The following MAP3K6 variants were observed in gnomAD, a reference collection of about 807,000 sequenced individuals.
MAP3K6 encodes the protein apoptosis signal-regulating kinase 2.
Under a neutral mutation model 147.1 loss-of-function variants are expected in MAP3K6, and 105 were observed. That is an observed-to-expected ratio of 0.71 (90% CI 0.61 to 0.84). The LOEUF is 0.84. Among genes scored for constraint, MAP3K6 ranks in the 40% least tolerant of loss-of-function variants. The probability of loss-of-function intolerance (pLI) is 0.00; values close to 1 mark genes in which losing one functional copy is unlikely to be tolerated. For synonymous variants in MAP3K6, 695 were observed against 732.4 expected (o/e 0.95, Z 0.82); for missense variants, 1,569 against 1,715.0 (o/e 0.91, Z 1.50).
intron 27 of MAP3K6, 81 bp downstream of exon 27, chr1:27,355,945 A>T: frequency 7.6e-7 from 1 of 1,308,714 alleles, no homozygotes. Context: ...ATCAGAGGGC[A>T]CAGTAGAAGA....
rs748830946 is a variant in MAP3K6 at position 27,357,570 on chromosome 1, G to T, written c.3088C>A (p.Arg1030Ser). 1.9e-6 allele frequency: 3 copies of T among 1,606,908 alleles called. No individual in the cohort carries two copies. Among genetic ancestry groups the T allele is most frequent in the Non-Finnish European group, 2.6e-6 (3 of 1,175,778 alleles). Residue 1030 changes from arginine to serine, a missense_variant, in exon 23 of 29, where the codon CGT becomes AGT. Coordinates refer to ENST00000357582, the MANE Select transcript of MAP3K6 (RefSeq NM_004672.5). ...HQEQKQEQGA[R>S]LGRNHVEELL... ...TCTTCCACATGGTTTCTGCCCAGAC[G>T]GGCCCCCTGAGAAGGAAGAGAGGGG...
Position 27,358,511 on chromosome 1 carries a change from G to A in MAP3K6, c.2684C>T (p.Ala895Val), listed in dbSNP as rs772798450. ...RTFEPDPRLR[A>V]SAQTLLGDPF... ...GTCCCCCAGCAGTGTCTGGGCGCTG[G>A]CTCGGAGGCGGGGGTCTGGCTCAAA... Residue 895 changes from alanine to valine, a missense_variant, in exon 20 of 29, where the codon GCC becomes GTC. By Grantham distance (64) the Ala-to-Val change is moderately conservative. Coordinates refer to ENST00000357582, the MANE Select transcript of MAP3K6 (RefSeq NM_004672.5). The surrounding 1 kb of genome is among the most constrained non-coding windows in gnomAD (Gnocchi z 6.2). The A allele has an allele frequency of 6.2e-7, 1 of 1,605,896 alleles. No homozygotes were observed. Among genetic ancestry groups the A allele is most frequent in the South Asian group, 1.1e-5 (1 of 90,162 alleles).
chr1:27,362,735 G>C lies in MAP3K6; in HGVS notation c.1161C>G (p.Asp387Glu), dbSNP rs757438284. 2 of 1,612,346 alleles carry C rather than the reference G, an allele frequency of 1.2e-6. No individual in the cohort carries two copies. Among genetic ancestry groups the C allele is most frequent in the Non-Finnish European group, 1.7e-6 (2 of 1,179,160 alleles). The change falls in exon 8 of 29, where the codon GAC (aspartate) becomes GAG (glutamate). Residue 387 changes from aspartate (D) to glutamate (E), a missense_variant. Coordinates refer to ENST00000357582, the MANE Select transcript of MAP3K6 (RefSeq NM_004672.5). ...TGCCTGAGTGAAGGCTGGGCTCTAC[G>C]TCAAAAGCCTTGCGATACCTGGGGT... ...QAYHWYRKAFDVEPSLHSGIN... is the reference protein window; with the variant it reads ...QAYHWYRKAFEVEPSLHSGIN...
At position 27,356,709 on chromosome 1, in the gene MAP3K6, C is replaced by T; in HGVS notation, c.3405G>A (p.Leu1135=). ...TCTGCTGGGAGTCCCCTTCATTACTCAGCTCCTCTGACCTCGGTGAGACCG... is the reference window on the plus strand; with the variant it reads ...TCTGCTGGGAGTCCCCTTCATTACTTAGCTCCTCTGACCTCGGTGAGACCG... ...KEAVSPRSEE[L]SNEGDSQQSP... is the part of the protein sequence containing the mutation. Residue 1135 remains leucine, a synonymous_variant, in exon 25 of 29, where the codon CTG becomes CTA. Transcript: ENST00000357582. 6.2e-7 allele frequency: 1 copy of T among 1,600,784 alleles called. No homozygotes were observed. Among genetic ancestry groups the T allele is most frequent in the Non-Finnish European group, 8.5e-7 (1 of 1,173,074 alleles).
rs755341246 is a variant in MAP3K6, at chr1:27,362,253, G to C, written c.1256-3C>G. 5 of 1,607,546 alleles carry C rather than the reference G, an allele frequency of 3.1e-6. No homozygotes were observed. The African/African-American group carries it at 4.0e-5, about 13-fold the overall frequency. ...CAGCAGGCAGCCCAGCTTCATGCCT[G>C]GGGGAGAGAGGCATGGGCTCCAGTG... On this transcript the variant is annotated splice_region_variant and splice_polypyrimidine_tract_variant and intron_variant, in intron 8 of 28. Coordinates refer to ENST00000357582, the MANE Select transcript of MAP3K6 (RefSeq NM_004672.5).
Position 27,362,253 on chromosome 1 carries a change from G to T in MAP3K6, c.1256-3C>A, listed in dbSNP as rs755341246. 7.5e-6 allele frequency: 12 copies of T among 1,607,546 alleles called. No homozygotes were observed. In the East Asian group the frequency reaches 2.5e-4, roughly 33 times the overall value. ...CAGCAGGCAGCCCAGCTTCATGCCT[G>T]GGGGAGAGAGGCATGGGCTCCAGTG... On this transcript the variant is annotated splice_region_variant and splice_polypyrimidine_tract_variant and intron_variant, in intron 8 of 28. Transcript: ENST00000357582.
intron 27 of MAP3K6, 73 bp from the exon 28 acceptor site, chr1:27,355,818 T>C (rs2015501217): frequency 4.2e-6 from 6 of 1,436,574 alleles, no homozygotes; most frequent in Non-Finnish European, 5.9e-6. Flanking sequence ...ACCCAGGTAC[T>C]AGCTCTGCTC....
Position 27,358,824 on chromosome 1 carries a change from G to C in MAP3K6, c.2468C>G (p.Pro823Arg). 1.2e-6 allele frequency: 2 copies of C among 1,607,440 alleles called. No individual in the cohort carries two copies. Among genetic ancestry groups the C allele is most frequent in the Non-Finnish European group, 1.7e-6 (2 of 1,176,470 alleles). The change falls in exon 19 of 29, where the codon CCA becomes CGA. Residue 823 changes from proline to arginine, a missense_variant. By Grantham distance (103) the Pro-to-Arg change is moderately radical. Coordinates refer to ENST00000357582, the MANE Select transcript of MAP3K6 (RefSeq NM_004672.5). The surrounding 1 kb of genome is among the most constrained non-coding windows in gnomAD (Gnocchi z 6.2). ...YMAPEIIDQGPRGYGKAADIW... is the reference protein window; with the variant it reads ...YMAPEIIDQGRRGYGKAADIW... Reference sequence around the variant, plus strand: ...GTCAGCTGCTTTCCCATACCCGCGTGGGCCCTGGTCAATGATTTCTGGGGC... The same window carrying C: ...GTCAGCTGCTTTCCCATACCCGCGTCGGCCCTGGTCAATGATTTCTGGGGC...
At chr1:27,357,985 A>G (rs1355164299) in intron 21 of MAP3K6, 109 bp from the exon 22 acceptor site, 2 of 1,472,528 alleles carry the variant, frequency 1.4e-6, no homozygotes, top group Non-Finnish European at 1.8e-6. Flanking sequence ...CCTCACAGGC[A>G]TGAACATAGA....
chr1:27,362,529 A>G (rs1333523115), intron 8 of MAP3K6, 112 bp downstream of exon 8: 2 of 912,344 alleles, frequency 2.2e-6, no homozygotes, highest in Non-Finnish European at 3.3e-6. Context: ...AGGACAGTCC[A>G]AAATGGATGA....
rs765930975 is a variant in MAP3K6 at position 27,361,161 on chromosome 1, G to C, written c.1828C>G (p.Gln610Glu). Residue 610 changes from glutamine (Q) to glutamate (E), a missense_variant, in exon 13 of 29, where the codon CAG becomes GAG. Transcript: ENST00000357582. ...QLCFPSVGHCQWFCGLIQAWV... is the reference protein window; with the variant it reads ...QLCFPSVGHCEWFCGLIQAWV... Reference sequence around the variant, plus strand: ...CGACCATGAAAGGCTGCGCACCACTGGCAGTGCCCTACGCTGGGGAAGCAC... The same window carrying C: ...CGACCATGAAAGGCTGCGCACCACTCGCAGTGCCCTACGCTGGGGAAGCAC... 5.6e-6 allele frequency: 9 copies of C among 1,608,848 alleles called. No individual in the cohort carries two copies. Among genetic ancestry groups the C allele is most frequent in the African/African-American group, 1.3e-5 (1 of 74,890 alleles).
rs2015709138 is a variant in MAP3K6 at position 27,360,520 on chromosome 1, C to A, written c.2055-152G>T. 3 of 1,348,730 alleles carry A rather than the reference C, an allele frequency of 2.2e-6. No individual in the cohort carries two copies. The South Asian group carries it at 4.4e-5, about 20-fold the overall frequency. 83.5% of individuals were successfully genotyped at this position (1,348,730 alleles called of 1,614,324 possible). On this transcript the variant is annotated intron_variant, in intron 15 of 28. Coordinates refer to ENST00000357582, the MANE Select transcript of MAP3K6 (RefSeq NM_004672.5). The surrounding 1 kb of genome is among the most constrained non-coding windows in gnomAD (Gnocchi z 4.5). ...CTTACTACCCTGCCCACAGGACCCT[C>A]CAGACCTCAATCCCGCCCGCACGGT...
At position 27,366,660 on chromosome 1, in the gene MAP3K6, C is replaced by T; in HGVS notation, c.-63G>A. 9.6e-7 allele frequency: 1 copy of T among 1,039,084 alleles called. No homozygotes were observed. The highest frequency in any genetic ancestry group is 7.0e-5 in the East Asian group (1 of 14,388). The allele number at this position is 1,039,084 out of a possible 1,614,324, so 64.4% of individuals were successfully genotyped here. On this transcript the variant is annotated 5_prime_UTR_variant, in exon 1 of 29. Coordinates refer to ENST00000357582, the MANE Select transcript of MAP3K6 (RefSeq NM_004672.5). The surrounding 1 kb of genome is among the most constrained non-coding windows in gnomAD (Gnocchi z 5.5). ...ACCGGGGGCGGGGCAGGAGCCTGGG[C>T]CGGCAGATCAGGAATCTTGGGATCT... is the stretch of plus-strand genomic sequence containing the variant.
intron 27 of MAP3K6, 59 bp from the exon 28 acceptor site, chr1:27,355,804 C>T (rs1468472535): frequency 1.4e-5 from 21 of 1,520,686 alleles, no homozygotes; most frequent in South Asian, 3.4e-5. Flanking sequence ...AAAGATGTGT[C>T]GAGACCCAGG....
rs777181790 is a variant in MAP3K6 at position 27,357,772 on chromosome 1, A to G, written c.3020T>C (p.Val1007Ala). The part of the protein sequence containing the change: ...ESKRRAMLAA[V>A]LEQELPALAE... ...CAGCGCTGGCAGCTCCTGCTCCAAT[A>G]CTGCGGCCAGCATGGCCCGACGCTT... Residue 1007 changes from valine to alanine, a missense_variant, in exon 22 of 29, where the codon GTA becomes GCA. Val to Ala is a moderately conservative substitution (Grantham distance 64, BLOSUM62 0). Transcript: ENST00000357582. The G allele has an allele frequency of 3.1e-6, 5 of 1,611,118 alleles. No homozygotes were observed. The South Asian group carries it at 4.4e-5, about 14-fold the overall frequency.
At chr1:27,357,196 TC>T in intron 23 of MAP3K6, 82 bp from the exon 24 acceptor site, 1 of 1,380,574 alleles carries the variant, frequency 7.2e-7, no homozygotes, top group Non-Finnish European at 1.0e-6. Context: ...TAGAAAGTCT[TC>T]GGCGGGAGGC....
In MAP3K6 at chr1:27,355,766, G is replaced by A. The variant is rs758394991; in HGVS notation, c.3712-21C>T. On this transcript the variant is annotated intron_variant, in intron 27 of 28. Coordinates refer to ENST00000357582, the MANE Select transcript of MAP3K6 (RefSeq NM_004672.5). ...AACAGCTGGATGTGGTCAAAGACCC[G>A]CAGAAAGAGGGAAATAAGAAATTAC... The A allele has an allele frequency of 1.2e-5, 20 of 1,604,314 alleles. No individual in the cohort carries two copies. The East Asian group carries it at 2.7e-4, about 21-fold the overall frequency.
At chr1:27,357,936 T>G in intron 21 of MAP3K6, 60 bp from the exon 22 acceptor site, 1 of 1,509,786 alleles carries the variant, frequency 6.6e-7, no homozygotes, top group South Asian at 1.2e-5. Context: ...TCACCTCTGT[T>G]GCCGGGTTTG....
rs2015722783 is a variant in MAP3K6, at chr1:27,360,775, C to G, written c.1984G>C (p.Val662Leu). The change falls in exon 15 of 29, where the codon GTG (valine) becomes CTG (leucine). Residue 662 changes from valine (V) to leucine (L), a missense_variant. Physicochemically the swap from Val to Leu is conservative, Grantham distance 32. Coordinates refer to ENST00000357582, the MANE Select transcript of MAP3K6 (RefSeq NM_004672.5). This position sits in a 1 kb window ranked among gnomAD's most constrained non-coding sequence, Gnocchi z 4.5. ...LVLGKGTYGVVYAGRDRHTRV... is the reference protein window; with the variant it reads ...LVLGKGTYGVLYAGRDRHTRV... ...GTGTGGCGATCGCGGCCCGCGTACACCACCCCATACGTGCCCTTGCCCAGC... is the reference window on the plus strand; with the variant it reads ...GTGTGGCGATCGCGGCCCGCGTACAGCACCCCATACGTGCCCTTGCCCAGC... 2 of 1,612,612 alleles carry G rather than the reference C, an allele frequency of 1.2e-6. No individual in the cohort carries two copies. The highest frequency in any genetic ancestry group is 1.1e-5 in the South Asian group (1 of 91,086).
Sources: allele counts gnomAD v4.1 joint callset, GRCh38; gene constraint gnomAD v4.1.1; non-coding constraint Gnocchi (gnomAD v3.1); transcripts MANE v1.5; gene names NCBI Gene and HGNC (gene_info 2026-07-23, HGNC 2026-07-21).